Variants in ASB1 observed in about 807,000 individuals in gnomAD.
The protein encoded by ASB1 is ankyrin repeat and SOCS box protein 1.
Under a neutral mutation model 27.7 loss-of-function variants are expected in ASB1, and 18 were observed. The observed-to-expected ratio is 0.65, with a 90% CI of 0.45 to 0.96. ASB1 has a LOEUF of 0.96. ASB1 is among the 50% of genes least tolerant of loss of function. The pLI is 0.00. For synonymous variants in ASB1, 189 were observed against 187.6 expected (o/e 1.01, Z -0.06); for missense variants, 397 against 451.7 (o/e 0.88, Z 1.10).
chr2:238,427,175 C>T (rs1701773382), intron 1 of ASB1, 56 bp downstream of exon 1: 8 of 1,185,716 alleles, frequency 6.7e-6, no homozygotes, highest in Non-Finnish European at 8.5e-6. Flanking sequence ...GAAGGGCTGG[C>T]TCCGGCGTCC....
rs1701931830 is a variant in ASB1, at chr2:238,434,582, C to T, written c.191+887C>T. ...AGTACAGGAATGTATTTCTTCATTT[C>T]CTTCTAGTGTCTTAGCAGTATTTCA... On this transcript the variant is annotated intron_variant, in intron 2 of 4. Transcript: ENST00000264607. 2.0e-5 allele frequency among the ~76,000 whole-genome samples: 3 copies of T among 152,180 alleles called. No homozygotes were observed. The South Asian group carries it at 6.2e-4, about 32-fold the overall frequency.
Position 238,451,738 on chromosome 2 carries a change from T to A in ASB1, c.*5227T>A, listed in dbSNP as rs1378000832. The A allele has an allele frequency of 6.6e-6, 1 of 152,668 alleles. No individual in the cohort carries two copies. The highest frequency in any genetic ancestry group is 2.4e-5 in the African/African-American group (1 of 41,458). The allele number at this position is 152,668 out of a possible 1,614,324, so 9.5% of individuals were successfully genotyped here. ...CTTTAGTAAATGCTTTACTTCCCTCTAATTGCCCCCAAATGCCTTAATTTT... is the reference window on the plus strand; with the variant it reads ...CTTTAGTAAATGCTTTACTTCCCTCAAATTGCCCCCAAATGCCTTAATTTT... On this transcript the variant is annotated 3_prime_UTR_variant, in exon 5 of 5. Transcript: ENST00000264607.
In ASB1 at chr2:238,435,991, G is replaced by C. The variant is rs1243057815; in HGVS notation, c.472G>C (p.Asp158His). ...CCACGCCTCTCGCGTGGGCCGGGCAGACATCCTGAAGGCCCTCATCAGGCC... is the reference window on the plus strand; with the variant it reads ...CCACGCCTCTCGCGTGGGCCGGGCACACATCCTGAAGGCCCTCATCAGGCC... The part of the protein sequence containing the change: ...VYHASRVGRA[D>H]ILKALIRYGA... Residue 158 changes from aspartate to histidine, a missense_variant, in exon 3 of 5, where the codon GAC (aspartate) becomes CAC (histidine). Physicochemically the swap from Asp to His is moderately conservative, Grantham distance 81. Transcript: ENST00000264607. The C allele has an allele frequency of 1.9e-6, 3 of 1,612,854 alleles. No individual in the cohort carries two copies. Among genetic ancestry groups the C allele is most frequent in the Non-Finnish European group, 2.5e-6 (3 of 1,179,726 alleles).
In ASB1 at chr2:238,444,595, G is replaced by A. The variant is rs1702142069; in HGVS notation, c.748G>A (p.Ala250Thr). The A allele has an allele frequency of 6.2e-7, 1 of 1,614,082 alleles. No homozygotes were observed. The highest frequency in any genetic ancestry group is 1.3e-5 in the African/African-American group (1 of 74,932). The change falls in exon 4 of 5, where the codon GCA becomes ACA. Residue 250 changes from alanine (A) to threonine (T), a missense_variant. Transcript: ENST00000264607. ...MDAVLRHGCE[A>T]AFVSLLVEFG... ...TGCTGTTCTGCGCCACGGCTGTGAG[G>A]CAGCCTTCGTGAGCCTGCTGGTAGA...
Position 238,433,654 on chromosome 2 carries a change from C to A in ASB1, c.150C>A (p.Leu50=), listed in dbSNP as rs778562426. ...RLHDAAYVGD[L]QTLRSLLQEE... The stretch of plus-strand genomic sequence containing the variant: ...ATGATGCAGCTTACGTCGGGGACCT[C>A]CAGACCCTCAGGAGCCTATTGCAAG... Residue 50 remains leucine (L), a synonymous_variant, in exon 2 of 5, where the codon CTC becomes CTA. Coordinates refer to ENST00000264607, the MANE Select transcript of ASB1 (RefSeq NM_001040445.3). 6.2e-7 allele frequency: 1 copy of A among 1,614,088 alleles called. No individual in the cohort carries two copies. Among genetic ancestry groups the A allele is most frequent in the Non-Finnish European group, 8.5e-7 (1 of 1,179,962 alleles).
chr2:238,437,533 A>G (rs957740950), intron 3 of ASB1, among the ~76,000 whole-genome samples: 5 of 150,442 alleles, frequency 3.3e-5, no homozygotes, highest in Admixed American at 2.7e-4. Flanking sequence ...CCTGGCCTAC[A>G]GTCTTATTTT....
chr2:238,439,543 C>T (rs1470082394), intron 3 of ASB1, among the ~76,000 whole-genome samples: 3 of 152,148 alleles, frequency 2.0e-5, no homozygotes, highest in East Asian at 1.9e-4. Context: ...GTTCTGGTCC[C>T]GTCATCGCTG....
intron 4 of ASB1, among the ~76,000 whole-genome samples, chr2:238,445,286 T>C (rs1202783803): frequency 6.6e-6 from 1 of 152,164 alleles, no homozygotes; most frequent in Non-Finnish European, 1.5e-5. Context: ...CCTAGAGTTA[T>C]ATTCTCTTTA....
intron 4 of ASB1, 59 bp downstream of exon 4, chr2:238,444,786 G>T: frequency 6.7e-7 from 1 of 1,503,542 alleles, no homozygotes. Flanking sequence ...GAATCAAGAT[G>T]TAGCAATAAA....
At position 238,448,778 on chromosome 2, in the gene ASB1, A is replaced by G. The variant is rs1043498060; in HGVS notation, c.*2267A>G. 3 of 152,456 alleles carry G rather than the reference A, an allele frequency of 2.0e-5. No homozygotes were observed. Among genetic ancestry groups the G allele is most frequent in the African/African-American group, 7.2e-5 (3 of 41,462 alleles). The allele number at this position is 152,456 out of a possible 1,614,324, so 9.4% of individuals were successfully genotyped here. ...GAGGCAAGGACCCAGATGTGGCAGC[A>G]TGGGCGTCATGCTCCTTTGCACAGC... On this transcript the variant is annotated 3_prime_UTR_variant, in exon 5 of 5. Transcript: ENST00000264607.
chr2:238,433,653 T>C lies in ASB1; in HGVS notation c.149T>C (p.Leu50Pro). The C allele has an allele frequency of 6.2e-7, 1 of 1,614,064 alleles. No individual in the cohort carries two copies. The highest frequency in any genetic ancestry group is 8.5e-7 in the Non-Finnish European group (1 of 1,179,966). The change falls in exon 2 of 5, where the codon CTC becomes CCC. Residue 50 changes from leucine to proline, a missense_variant. Coordinates refer to ENST00000264607, the MANE Select transcript of ASB1 (RefSeq NM_001040445.3). The part of the protein sequence containing the change: ...RLHDAAYVGD[L>P]QTLRSLLQEE... The stretch of plus-strand genomic sequence containing the variant: ...CATGATGCAGCTTACGTCGGGGACC[T>C]CCAGACCCTCAGGAGCCTATTGCAA...
chr2:238,427,299 C>A (rs1574998759), intron 1 of ASB1, 180 bp downstream of exon 1: 1 of 395,124 alleles, frequency 2.5e-6, no homozygotes, highest in East Asian at 3.8e-5. Flanking sequence ...CTGGGCGACC[C>A]CACCACGGAC....
intron 1 of ASB1, chr2:238,433,276 T>A (rs1701904428): frequency 3.1e-6 from 1 of 323,298 alleles, no homozygotes; most frequent in African/African-American, 2.1e-5. Flanking sequence ...GGAAGGTTTC[T>A]ACTATTTTCT....
intron 2 of ASB1, 143 bp downstream of exon 2, chr2:238,433,838 C>CT: frequency 1.0e-6 from 1 of 995,024 alleles, no homozygotes; most frequent in Non-Finnish European, 1.5e-6. Context: ...ATAAAGGAGA[C>CT]TGAGGCAGCA....
At chr2:238,445,913 G>A (rs372481009) in intron 4 of ASB1, among the ~76,000 whole-genome samples, 44 of 152,344 alleles carry the variant, frequency 2.9e-4, no homozygotes, top group African/African-American at 9.9e-4. Context: ...ACTTGGCTGC[G>A]CTCTTTTCAT....
intron 3 of ASB1, 127 bp from the exon 4 acceptor site, chr2:238,444,215 T>G: frequency 3.0e-6 from 3 of 1,015,024 alleles, no homozygotes; most frequent in Non-Finnish European, 4.3e-6. Context: ...TGGAGTCTCC[T>G]ACAGCGCCTG....
chr2:238,445,414 T>C (rs947429814), intron 4 of ASB1, among the ~76,000 whole-genome samples: 1 of 152,238 alleles, frequency 6.6e-6, no homozygotes, highest in African/African-American at 2.4e-5. Context: ...TTCCTTACTC[T>C]CCTTTCTTCA....
intron 1 of ASB1, among the ~76,000 whole-genome samples, chr2:238,432,993 G>A (rs1231523698): frequency 3.3e-5 from 5 of 152,222 alleles, no homozygotes; most frequent in South Asian, 2.1e-4. Context: ...TGATCTGCCC[G>A]CCTCGGCCTC....
chr2:238,439,335 C>T (rs867993149), intron 3 of ASB1, among the ~76,000 whole-genome samples: 5 of 151,988 alleles, frequency 3.3e-5, no homozygotes, highest in Admixed American at 2.6e-4. Flanking sequence ...GTCATGTGAG[C>T]GTGTTGGTCC....
Sources: allele counts gnomAD v4.1 joint callset (sites outside exome capture counted in the v4.1 genomes callset), GRCh38; gene constraint gnomAD v4.1.1; transcripts MANE v1.5; gene names NCBI Gene and HGNC (gene_info 2026-07-23, HGNC 2026-07-21).